The following MTHFD1L variants were observed in gnomAD, a reference collection of about 807,000 sequenced individuals.
MTHFD1L encodes methylenetetrahydrofolate dehydrogenase (NADP+ dependent) 1 like, also known as monofunctional C1-tetrahydrofolate synthase, mitochondrial.
In MTHFD1L, 81 loss-of-function variants were observed where a neutral mutation model predicts 119.5. That is an observed-to-expected ratio of 0.68 (90% CI 0.57 to 0.82). The LOEUF is 0.82. Among genes scored for constraint, MTHFD1L ranks in the 40% least tolerant of loss-of-function variants. The probability of loss-of-function intolerance (pLI) is 0.00; values close to 1 mark genes in which losing one functional copy is unlikely to be tolerated. For synonymous variants in MTHFD1L, 430 were observed against 475.2 expected (o/e 0.90, Z 1.24); for missense variants, 1,125 against 1,253.4 (o/e 0.90, Z 1.55).
intron 26 of MTHFD1L, among the ~76,000 whole-genome samples, chr6:151,063,665 A>G (rs940969271): frequency 2.0e-5 from 3 of 152,230 alleles, no homozygotes; most frequent in Non-Finnish European, 4.4e-5. Flanking sequence ...CTAGCCAAAA[A>G]TAATATTGAC....
chr6:151,064,190 T>C (rs1344562664), intron 26 of MTHFD1L, among the ~76,000 whole-genome samples: 4 of 152,250 alleles, frequency 2.6e-5, no homozygotes, highest in African/African-American at 9.6e-5. Flanking sequence ...GTTGTCTCTT[T>C]ATAATCTCTG....
chr6:150,883,461 T>C (rs766010170), intron 5 of MTHFD1L, among the ~76,000 whole-genome samples: 6 of 152,258 alleles, frequency 3.9e-5, no homozygotes, highest in African/African-American at 9.6e-5. Flanking sequence ...GTCTGACTTA[T>C]ACAATCTTTA....
intron 26 of MTHFD1L, among the ~76,000 whole-genome samples, chr6:151,052,751 C>T (rs1296236602): frequency 1.3e-5 from 2 of 152,222 alleles, no homozygotes; most frequent in Non-Finnish European, 2.9e-5. Flanking sequence ...TCCCCTCTTA[C>T]ATGCCCACCA....
intron 20 of MTHFD1L, chr6:150,985,213 G>T (rs1435541500): frequency 6.6e-6 from 1 of 152,150 alleles, no homozygotes; most frequent in African/African-American, 2.4e-5. Context: ...ACCTCTGTGA[G>T]TATACTTTTT....
intron 4 of MTHFD1L, among the ~76,000 whole-genome samples, chr6:150,880,188 A>C (rs9478846): frequency 6.6e-6 from 1 of 152,160 alleles, no homozygotes; most frequent in Non-Finnish European, 1.5e-5. Context: ...GTAAGAGAAC[A>C]CTGGAATTTA....
intron 26 of MTHFD1L, among the ~76,000 whole-genome samples, chr6:151,086,312 C>T (rs926039792): frequency 1.6e-4 from 25 of 152,140 alleles, no homozygotes; most frequent in African/African-American, 4.8e-4. Flanking sequence ...CCTTTCCCCT[C>T]GGTCACTTGA....
chr6:151,051,397 C>T (rs1393952067), intron 26 of MTHFD1L, among the ~76,000 whole-genome samples: 2 of 152,284 alleles, frequency 1.3e-5, no homozygotes, highest in Middle Eastern at 3.4e-3. Context: ...TAGCAAAGGT[C>T]GCACACCTTC....
At chr6:151,023,507 T>C (rs1421548558) in intron 24 of MTHFD1L, among the ~76,000 whole-genome samples, 4 of 152,094 alleles carry the variant, frequency 2.6e-5, no homozygotes, top group Non-Finnish European at 5.9e-5. Flanking sequence ...CATTCAGCTG[T>C]GTTAGACAGT....
intron 24 of MTHFD1L, among the ~76,000 whole-genome samples, chr6:151,017,837 T>C (rs1405133195): frequency 6.9e-6 from 1 of 145,520 alleles, no homozygotes; most frequent in Non-Finnish European, 1.5e-5. Context: ...TTTCTTTTTT[T>C]TTTTTTTTTT....
rs540002119 is a variant in MTHFD1L at position 150,994,564 on chromosome 6, G to A, written c.2126-15255G>A. Reference sequence around the variant, plus strand: ...AGGTGGTCAACCAGAGTTTAGGCAAGAAGACCTATGACTTCTCTACACAGA... The same window carrying A: ...AGGTGGTCAACCAGAGTTTAGGCAAAAAGACCTATGACTTCTCTACACAGA... On this transcript the variant is annotated intron_variant, in intron 20 of 27. Coordinates refer to ENST00000367321, the MANE Select transcript of MTHFD1L (RefSeq NM_015440.5). 5.9e-5 allele frequency among the ~76,000 whole-genome samples: 9 copies of A among 152,256 alleles called. No homozygotes were observed. In the South Asian group the frequency reaches 1.9e-3, roughly 32 times the overall value.
chr6:151,026,542 A>G (rs1784625054), intron 24 of MTHFD1L, among the ~76,000 whole-genome samples: 1 of 152,204 alleles, frequency 6.6e-6, no homozygotes, highest in African/African-American at 2.4e-5. Context: ...TTTCTGAAAT[A>G]CATGTTTAAG....
In MTHFD1L at chr6:151,014,866, T is replaced by C; in HGVS notation, c.2308-14T>C. ...TACACAGGGGTCTGGGTTTTGCTTT[T>C]TTCTTTTTTACAGAACATCCAGCTG... On this transcript the variant is annotated splice_polypyrimidine_tract_variant and intron_variant, in intron 22 of 27. Transcript: ENST00000367321. 6.2e-7 allele frequency: 1 copy of C among 1,612,924 alleles called. No individual in the cohort carries two copies. The highest frequency in any genetic ancestry group is 8.5e-7 in the Non-Finnish European group (1 of 1,179,550).
chr6:151,012,026 A>C lies in MTHFD1L; in HGVS notation c.2266-1753A>C, dbSNP rs1414293206. On this transcript the variant is annotated intron_variant, in intron 21 of 27. Transcript: ENST00000367321. ...CAACAACAACAACAACAACAAAAAA[A>C]AAAAAAAAAAAAAAAAAAAAAAAAA... 3.0e-3 allele frequency among the ~76,000 whole-genome samples: 346 copies of C among 115,380 alleles called. 3 individuals are homozygous for C. Among genetic ancestry groups the C allele is most frequent in the African/African-American group, 9.6e-3 (285 of 29,650 alleles). The allele number at this position is 115,380 out of a possible 152,430, so 75.7% of individuals were successfully genotyped here. A position where few individuals can be genotyped will look rare whatever the true frequency, so the allele number is the denominator to read the frequency against.
rs773549552 is a variant in MTHFD1L at position 150,936,867 on chromosome 6, G to C, written c.1320G>C (p.Leu440=). The C allele has an allele frequency of 6.2e-7, 1 of 1,614,134 alleles. No individual in the cohort carries two copies. Among genetic ancestry groups the C allele is most frequent in the South Asian group, 1.1e-5 (1 of 91,074 alleles). The part of the protein sequence containing the change: ...STVTIGLVQA[L]TAHLNVNSFA... ...TCACCATCGGGCTTGTGCAGGCTCT[G>C]ACCGCACACCTGAATGTCAACTCCT... The change falls in exon 12 of 28, where the codon CTG becomes CTC. Residue 440 remains leucine, a synonymous_variant. Transcript: ENST00000367321.
intron 7 of MTHFD1L, among the ~76,000 whole-genome samples, chr6:150,894,094 T>C (rs1783812506): frequency 6.6e-6 from 1 of 151,960 alleles, no homozygotes; most frequent in African/African-American, 2.4e-5. Context: ...GTACAAAAAT[T>C]AGCCAGGCGT....
At position 151,052,742 on chromosome 6, in the gene MTHFD1L, C is replaced by T. The variant is rs796939202; in HGVS notation, c.2847+15625C>T. 3.9e-4 allele frequency among the ~76,000 whole-genome samples: 59 copies of T among 152,328 alleles called. 1 individual carries two copies. The highest frequency in any genetic ancestry group is 1.3e-3 in the African/African-American group (54 of 41,590). Reference sequence around the variant, plus strand: ...ACTAGCAGCCTGTGTGAATGATGGTCCCCTCTTACATGCCCACCATGCAAG... The same window carrying T: ...ACTAGCAGCCTGTGTGAATGATGGTTCCCTCTTACATGCCCACCATGCAAG... On this transcript the variant is annotated intron_variant, in intron 26 of 27. Transcript: ENST00000367321.
At chr6:150,999,977 C>T (rs1441290758) in intron 20 of MTHFD1L, among the ~76,000 whole-genome samples, 3 of 152,228 alleles carry the variant, frequency 2.0e-5, no homozygotes, top group Non-Finnish European at 4.4e-5. Flanking sequence ...CTCCAATCTT[C>T]CCCTAATGTG....
At chr6:150,973,406 A>G (rs73780304) in intron 20 of MTHFD1L, among the ~76,000 whole-genome samples, 9,579 of 152,206 alleles carry the variant, frequency 0.063, 1,013 homozygotes, top group African/African-American at 0.22. Context: ...CCACTGCAAG[A>G]GTGGCTAGAC....
chr6:151,059,003 G>T (rs942368906), intron 26 of MTHFD1L, among the ~76,000 whole-genome samples: 1 of 151,212 alleles, frequency 6.6e-6, no homozygotes, highest in Non-Finnish European at 1.5e-5. Context: ...AAATGTGTTG[G>T]TTTTTTAATC....
Sources: allele counts gnomAD v4.1 joint callset (sites outside exome capture counted in the v4.1 genomes callset), GRCh38; gene constraint gnomAD v4.1.1; transcripts MANE v1.5; gene names NCBI Gene and HGNC (gene_info 2026-07-23, HGNC 2026-07-21).